The following ESR1 variants were observed in gnomAD, a reference collection of about 807,000 sequenced individuals.
The protein encoded by ESR1 is estrogen receptor.
In ESR1, 12 loss-of-function variants were observed where a neutral mutation model predicts 52.7. The ratio of observed to expected loss-of-function variants is 0.23; its 90% CI spans 0.15 to 0.37. The LOEUF is 0.37. ESR1 is among the 10% of genes least tolerant of loss of function. The pLI is 1.00. For synonymous variants in ESR1, 305 were observed against 316.8 expected, an observed-to-expected ratio of 0.96 and a Z score of 0.39; for missense variants, 584 against 779.7, an observed-to-expected ratio of 0.75 and a Z score of 2.99.
chr6:151,853,199 GAGAA>G (rs1315111948), intron 2 of ESR1, among the ~76,000 whole-genome samples: 166 of 89,652 alleles, frequency 1.9e-3, no homozygotes, highest in African/African-American at 6.5e-3. Flanking sequence ...AAAAAAAAAA[GAGAA>G]AGAAAGAAAG....
At chr6:151,850,013 T>C (rs1786102436) in intron 2 of ESR1, among the ~76,000 whole-genome samples, 1 of 93,814 alleles carries the variant, frequency 1.1e-5, no homozygotes, top group Non-Finnish European at 2.3e-5. Context: ...TATAATTTTG[T>C]ATATATATAC....
chr6:151,949,791 T>C (rs540160860), intron 4 of ESR1, among the ~76,000 whole-genome samples: 1 of 152,372 alleles, frequency 6.6e-6, no homozygotes, highest in Non-Finnish European at 1.5e-5. Flanking sequence ...CTTTGAAGCC[T>C]CATAGATGCT....
At chr6:151,987,547 T>G in intron 4 of ESR1, among the ~76,000 whole-genome samples, 1 of 152,024 alleles carries the variant, frequency 6.6e-6, no homozygotes, top group East Asian at 1.9e-4. Flanking sequence ...GAAAGATAGG[T>G]TACGACAGTT....
chr6:151,935,791 C>T (rs2034285290), intron 3 of ESR1, among the ~76,000 whole-genome samples: 1 of 152,194 alleles, frequency 6.6e-6, no homozygotes, highest in African/African-American at 2.4e-5. Context: ...TATACTCCAA[C>T]AAATGATGAA....
intron 6 of ESR1, among the ~76,000 whole-genome samples, chr6:152,091,173 G>A (rs1417007311): frequency 2.0e-5 from 3 of 152,190 alleles, no homozygotes; most frequent in African/African-American, 7.2e-5. Flanking sequence ...CAAAGCACAC[G>A]AAGCATTCTG....
chr6:152,000,736 T>C (rs1289435301), intron 4 of ESR1, among the ~76,000 whole-genome samples: 1 of 152,042 alleles, frequency 6.6e-6, no homozygotes, highest in African/African-American at 2.4e-5. Flanking sequence ...CTTTAATTGG[T>C]ATATGTGCCA....
At chr6:151,672,869 C>T (rs558616940) in intron 1 of ESR1, among the ~76,000 whole-genome samples, 1 of 148,928 alleles carries the variant, frequency 6.7e-6, no homozygotes, top group African/African-American at 2.5e-5. Flanking sequence ...CACTCTGTCA[C>T]CCAGGCTGGA....
At chr6:151,947,868 G>GT (rs35299677) in intron 4 of ESR1, among the ~76,000 whole-genome samples, 7 of 150,930 alleles carry the variant, frequency 4.6e-5, no homozygotes, top group South Asian at 2.1e-4. Context: ...GACAAAAGAT[G>GT]TTTTTTTTAT....
chr6:151,993,497 A>T (rs2128721232), intron 4 of ESR1, among the ~76,000 whole-genome samples: 1 of 152,316 alleles, frequency 6.6e-6, no homozygotes, highest in Middle Eastern at 3.4e-3. Flanking sequence ...CAAAGAAAAC[A>T]AGTCAAGGAA....
At chr6:151,862,722 A>C (rs1222137567) in intron 2 of ESR1, among the ~76,000 whole-genome samples, 1 of 152,100 alleles carries the variant, frequency 6.6e-6, no homozygotes, top group African/African-American at 2.4e-5. Context: ...TGAAGACTGA[A>C]AACACAGCTC....
At position 151,709,130 on chromosome 6, in the gene ESR1, C is replaced by CCCTCT. The variant is rs367912614; in HGVS notation, c.-71+7126_-71+7130dup. On this transcript the variant is annotated intron_variant, in intron 2 of 2. Transcript: ENST00000404742. ...TGTCTTTCCAACCCTCACCTCCCAC[C>CCCTCT]CCTCTGCCCGACACTGCCCCAGCCC... Among the ~76,000 whole-genome samples, 483 of 152,198 alleles carry CCCTCT rather than the reference C, an allele frequency of 3.2e-3. 2 individuals carry two copies. The highest frequency in any genetic ancestry group is 0.011 in the African/African-American group (457 of 41,528).
At chr6:151,702,229 T>TA (rs2115427213) in intron 2 of ESR1, among the ~76,000 whole-genome samples, 1 of 152,302 alleles carries the variant, frequency 6.6e-6, no homozygotes, top group East Asian at 1.9e-4. Context: ...TACCACCATT[T>TA]AAAAAAATCC....
chr6:151,658,520 T>C (rs186082450), intron 1 of ESR1, among the ~76,000 whole-genome samples: 2 of 152,356 alleles, frequency 1.3e-5, no homozygotes, highest in South Asian at 2.1e-4. Context: ...CTGTTTATTT[T>C]ATGGAGTCAA....
Position 151,662,052 on chromosome 6 carries a change from G to T in ESR1, n.73+5289G>T, listed in dbSNP as rs375150109. 2.0e-5 allele frequency among the ~76,000 whole-genome samples: 3 copies of T among 152,288 alleles called. No homozygotes were observed. The East Asian group carries it at 5.8e-4, about 30-fold the overall frequency. ...CCACCATCCAGCCACCACTCTGCCA[G>T]GTGTGAATGTATTAACTATTGCTGG... On this transcript the variant is annotated intron_variant and non_coding_transcript_variant, in intron 1 of 2. Coordinates refer to the ESR1 transcript ENST00000473497.
chr6:151,806,803 T>G (rs1451659488), upstream of ESR1, among the ~76,000 whole-genome samples: 1 of 152,006 alleles, frequency 6.6e-6, no homozygotes, highest in African/African-American at 2.4e-5. Context: ...GAGGTTATGT[T>G]TGGTATGAAA....
Position 151,798,799 on chromosome 6 carries a change from A to AT in ESR1, c.-70-9037dup, listed in dbSNP as rs550880833. On this transcript the variant is annotated intron_variant, in intron 2 of 2. Transcript: ENST00000404742. ...ATTTAGCAGATATAGGAAAGGTCTA[A>AT]TTTTTTTCTTTAGCTAGAATGTTCA... Among the ~76,000 whole-genome samples, 13 of 152,286 alleles carry AT rather than the reference A, an allele frequency of 8.5e-5. No homozygotes were observed. In the South Asian group the frequency reaches 2.7e-3, roughly 32 times the overall value.
intron 4 of ESR1, among the ~76,000 whole-genome samples, chr6:151,969,926 A>G (rs199772529): frequency 2.7e-5 from 4 of 149,538 alleles, no homozygotes; most frequent in African/African-American, 1.0e-4. Flanking sequence ...TTTTTTTTTT[A>G]ATTTTAAATG....
chr6:151,793,521 T>G (rs1776404067), intron 2 of ESR1, among the ~76,000 whole-genome samples: 1 of 152,238 alleles, frequency 6.6e-6, no homozygotes, highest in South Asian at 2.1e-4. Context: ...CATTATGTAC[T>G]GTACATAATT....
At chr6:152,028,751 C>T (rs1253842961) in intron 5 of ESR1, among the ~76,000 whole-genome samples, 1 of 152,200 alleles carries the variant, frequency 6.6e-6, no homozygotes, top group African/African-American at 2.4e-5. Context: ...CAGCAGAAAC[C>T]TCTGCAGACT....
Sources: gnomAD v4.1 joint callset for allele counts (sites outside exome capture counted in the v4.1 genomes callset) on GRCh38, gnomAD v4.1.1 for gene constraint, MANE v1.5 for transcripts, NCBI Gene and HGNC (gene_info 2026-07-23, HGNC 2026-07-21) for gene names.